The following LAMA2 variants were observed in gnomAD, a reference collection of about 807,000 sequenced individuals.
The protein encoded by LAMA2 is laminin subunit alpha-2.
Under a neutral mutation model 364.8 loss-of-function variants are expected in LAMA2, and 269 were observed. That is an observed-to-expected ratio of 0.74 (90% CI 0.67 to 0.82). LAMA2 has a LOEUF of 0.82. Ranked by LOEUF, LAMA2 falls within the 40% of genes least tolerant of loss-of-function variation. The pLI, the probability that LAMA2 is intolerant of heterozygous loss-of-function variation, is 0.00. For synonymous variants in LAMA2, 1,379 were observed against 1,370.6 expected (o/e 1.01, Z -0.14); for missense variants, 3,807 against 3,873.2 (o/e 0.98, Z 0.45).
At chr6:129,430,495 T>C (rs1781535627) in intron 41 of LAMA2, among the ~76,000 whole-genome samples, 2 of 152,212 alleles carry the variant, frequency 1.3e-5, no homozygotes, top group African/African-American at 4.8e-5. Flanking sequence ...AAAAGTAAAT[T>C]TGCCCTTGTG....
At chr6:129,353,436 C>A in intron 32 of LAMA2, 79 bp downstream of exon 32, 3 of 1,152,674 alleles carry the variant, frequency 2.6e-6, no homozygotes, top group Non-Finnish European at 3.8e-6. Context: ...AAGAGTGACT[C>A]TCCCCGCCCG....
At chr6:129,350,058 A>G (rs1010964640) in intron 31 of LAMA2, among the ~76,000 whole-genome samples, 2 of 152,218 alleles carry the variant, frequency 1.3e-5, no homozygotes, top group African/African-American at 2.4e-5. Context: ...ATTGTCTAGA[A>G]AAGTTGCAAT....
At chr6:128,960,640 G>A (rs1401189842) in intron 1 of LAMA2, among the ~76,000 whole-genome samples, 1 of 152,182 alleles carries the variant, frequency 6.6e-6, no homozygotes, top group African/African-American at 2.4e-5. Flanking sequence ...GATTACAGGC[G>A]TGAGCCACCA....
intron 20 of LAMA2, among the ~76,000 whole-genome samples, chr6:129,294,949 T>G (rs1319697494): frequency 1.3e-5 from 2 of 152,226 alleles, no homozygotes; most frequent in Non-Finnish European, 2.9e-5. Context: ...GATTAAAATG[T>G]CTCCTAAATA....
chr6:128,933,221 CCT>C (rs1779594263), intron 1 of LAMA2, among the ~76,000 whole-genome samples: 1 of 145,014 alleles, frequency 6.9e-6, no homozygotes, highest in Non-Finnish European at 1.5e-5. Context: ...TCCCTCTCTC[CCT>C]CTCTTTCTGT....
intron 32 of LAMA2, 45 bp downstream of exon 32, chr6:129,353,402 A>G: frequency 6.6e-7 from 1 of 1,504,588 alleles, no homozygotes; most frequent in African/African-American, 1.4e-5. Flanking sequence ...CCTTGATTCC[A>G]GTTCTGTCTC....
At chr6:129,084,866 C>T (rs1583013371) in intron 3 of LAMA2, among the ~76,000 whole-genome samples, 1 of 152,258 alleles carries the variant, frequency 6.6e-6, no homozygotes, top group South Asian at 2.1e-4. Flanking sequence ...TAATGAAATA[C>T]TTCATTAAAG....
At position 128,984,899 on chromosome 6, in the gene LAMA2, G is replaced by A. The variant is rs1582823148; in HGVS notation, c.113-65019G>A. On this transcript the variant is annotated intron_variant, in intron 1 of 64. Coordinates refer to ENST00000421865, the MANE Select transcript of LAMA2 (RefSeq NM_000426.4). ...GCGTTGAATCTGGATAGGAAATAAAGATTCATGAATATTTCACAATTTACT... is the reference window on the plus strand; with the variant it reads ...GCGTTGAATCTGGATAGGAAATAAAAATTCATGAATATTTCACAATTTACT... 2.6e-5 allele frequency among the ~76,000 whole-genome samples: 4 copies of A among 152,176 alleles called. No individual in the cohort carries two copies. In the South Asian group the frequency reaches 8.3e-4, roughly 32 times the overall value.
chr6:129,145,855 A>G (rs1292705174), intron 5 of LAMA2, among the ~76,000 whole-genome samples: 1 of 151,992 alleles, frequency 6.6e-6, no homozygotes, highest in Admixed American at 6.6e-5. Context: ...CAGTTTTAAA[A>G]GCATTTACAA....
At chr6:129,134,771 G>A (rs1188601455) in intron 4 of LAMA2, among the ~76,000 whole-genome samples, 1 of 152,106 alleles carries the variant, frequency 6.6e-6, no homozygotes, top group East Asian at 1.9e-4. Context: ...TTCCTAACAG[G>A]CCACAGATAG....
At chr6:129,330,591 G>GTTTTTTTTTTTTTT (rs1491387157) in intron 29 of LAMA2, among the ~76,000 whole-genome samples, 3 of 83,786 alleles carry the variant, frequency 3.6e-5, no homozygotes, top group African/African-American at 1.3e-4. Flanking sequence ...GTTGTTGTTT[G>GTTTTTTTTTTTTTT]GTTTTTGTTT....
intron 29 of LAMA2, 69 bp downstream of exon 29, chr6:129,328,481 C>T: frequency 1.2e-6 from 2 of 1,611,562 alleles, no homozygotes; most frequent in East Asian, 2.2e-5. Flanking sequence ...TCAGCATCTG[C>T]ATGCAGAGGC....
At chr6:129,185,075 A>G (rs1481488126) in intron 10 of LAMA2, among the ~76,000 whole-genome samples, 2 of 151,914 alleles carry the variant, frequency 1.3e-5, no homozygotes, top group Non-Finnish European at 2.9e-5. Flanking sequence ...ACAAACTACC[A>G]AAAAACCAAG....
At chr6:129,508,417 TA>T (rs1342737088) in intron 62 of LAMA2, among the ~76,000 whole-genome samples, 27 of 95,182 alleles carry the variant, frequency 2.8e-4, no homozygotes, top group Admixed American at 2.7e-3. Flanking sequence ...AATGTACAAT[TA>T]TTTTTTTTTT....
At chr6:129,438,824 A>G in intron 42 of LAMA2, 62 bp downstream of exon 42, 1 of 855,666 alleles carries the variant, frequency 1.2e-6, no homozygotes, top group Non-Finnish European at 2.0e-6. Flanking sequence ...ACTGTTGTTA[A>G]CTTTTACCAT....
At chr6:129,182,107 A>T (rs1562307818) in intron 10 of LAMA2, among the ~76,000 whole-genome samples, 1 of 151,908 alleles carries the variant, frequency 6.6e-6, no homozygotes, top group South Asian at 2.1e-4. Context: ...CAAATAAAAA[A>T]TGTAATAAAA....
At chr6:129,278,774 G>A (rs969192649) in intron 17 of LAMA2, among the ~76,000 whole-genome samples, 8 of 152,104 alleles carry the variant, frequency 5.3e-5, no homozygotes, top group African/African-American at 1.9e-4. Flanking sequence ...CCTTGACCCA[G>A]CAGATTCATT....
chr6:129,456,229 C>T, intron 47 of LAMA2, 106 bp from the exon 48 acceptor site: 2 of 1,117,454 alleles, frequency 1.8e-6, no homozygotes, highest in Non-Finnish European at 2.7e-6. Context: ...TTCTTAAAAA[C>T]AAGTCTCCGC....
chr6:128,977,105 C>G (rs774954199), intron 1 of LAMA2, among the ~76,000 whole-genome samples: 1 of 149,416 alleles, frequency 6.7e-6, no homozygotes, highest in Non-Finnish European at 1.5e-5. Flanking sequence ...TAAAGAACTT[C>G]GCATTGCTAC....
Sources: allele counts gnomAD v4.1 joint callset (sites outside exome capture counted in the v4.1 genomes callset), GRCh38; gene constraint gnomAD v4.1.1; transcripts MANE v1.5; gene names NCBI Gene and HGNC (gene_info 2026-07-23, HGNC 2026-07-21).